CYRIA: variants seen among roughly 807,000 people sequenced by gnomAD.
The protein encoded by CYRIA is CYFIP related Rac1 interactor A, also known as CYFIP-related Rac1 interactor A.
A neutral mutation model predicts 43.9 loss-of-function variants in CYRIA; 15 were observed. That is an observed-to-expected ratio of 0.34 (90% CI 0.23 to 0.53). CYRIA has a LOEUF of 0.53. Among genes scored for constraint, CYRIA ranks in the 20% least tolerant of loss-of-function variants. The pLI is 0.94. For missense variants in CYRIA, 236 were observed against 394.2 expected (o/e 0.60, Z 3.40); for synonymous variants, 117 against 136.0 (o/e 0.86, Z 0.97).
chr2:16,627,080 C>G (rs1424499286), intron 1 of CYRIA, among the ~76,000 whole-genome samples: 1 of 152,208 alleles, frequency 6.6e-6, no homozygotes, highest in Non-Finnish European at 1.5e-5. Context: ...TCCAGTCTAG[C>G]GACCTTTCCC....
intron 3 of CYRIA, among the ~76,000 whole-genome samples, chr2:16,573,424 C>T (rs1029519721): frequency 3.9e-5 from 6 of 152,170 alleles, no homozygotes; most frequent in Non-Finnish European, 8.8e-5. Flanking sequence ...TTCTACATTT[C>T]CAAAGTAGTA....
rs145873639 is a variant in CYRIA at position 16,585,787 on chromosome 2, G to T, written c.70+2263C>A. Among the ~76,000 whole-genome samples, 145 of 152,204 alleles carry T rather than the reference G, an allele frequency of 9.5e-4. No homozygotes were observed. In the Middle Eastern group the frequency reaches 0.02, roughly 21 times the overall value. The stretch of plus-strand genomic sequence containing the variant: ...TACTCTGGTAGTAGTGGGTGGGGGC[G>T]CACAGAAGCACCTCTCAACGTCCCC... On this transcript the variant is annotated intron_variant, in intron 3 of 11. Coordinates refer to ENST00000381323, the MANE Select transcript of CYRIA (RefSeq NM_030797.4).
intron 4 of CYRIA, among the ~76,000 whole-genome samples, chr2:16,564,726 C>T (rs1449098744): frequency 6.6e-6 from 1 of 151,960 alleles, no homozygotes; most frequent in Non-Finnish European, 1.5e-5. Context: ...GTTGGTATTG[C>T]CACAAAACTA....
At chr2:16,652,319 A>G (rs1669997642) in intron 1 of CYRIA, among the ~76,000 whole-genome samples, 1 of 152,058 alleles carries the variant, frequency 6.6e-6, no homozygotes, top group African/African-American at 2.4e-5. Context: ...GCTATAAGCC[A>G]CTTTTTGTCC....
intron 2 of CYRIA, among the ~76,000 whole-genome samples, chr2:16,617,076 G>C (rs1572510602): frequency 6.6e-6 from 1 of 152,178 alleles, no homozygotes; most frequent in Non-Finnish European, 1.5e-5. Flanking sequence ...CAAGTTTCTA[G>C]GCTCCTTGTA....
At chr2:16,664,697 G>A (rs1670344661) in intron 1 of CYRIA, among the ~76,000 whole-genome samples, 1 of 152,216 alleles carries the variant, frequency 6.6e-6, no homozygotes, top group South Asian at 2.1e-4. Flanking sequence ...ACTCGACACT[G>A]TGCAGATGGC....
intron 2 of CYRIA, among the ~76,000 whole-genome samples, chr2:16,591,332 A>T (rs539555362): frequency 3.3e-5 from 5 of 152,314 alleles, no homozygotes; most frequent in Non-Finnish European, 7.4e-5. Flanking sequence ...GAGATGGCTT[A>T]TCGTCTGCTC....
intron 3 of CYRIA, among the ~76,000 whole-genome samples, chr2:16,587,538 G>A (rs573662238): frequency 6.6e-6 from 1 of 152,056 alleles, no homozygotes; most frequent in East Asian, 1.9e-4. Flanking sequence ...AAAAAGGAAG[G>A]AAAATGACAT....
At chr2:16,640,440 A>G (rs886302451) in intron 1 of CYRIA, among the ~76,000 whole-genome samples, 1 of 152,218 alleles carries the variant, frequency 6.6e-6, no homozygotes, top group Non-Finnish European at 1.5e-5. Context: ...TGGGAGAACC[A>G]CAAGGCATTG....
At chr2:16,632,645 G>C (rs1669363490) in intron 1 of CYRIA, among the ~76,000 whole-genome samples, 1 of 152,170 alleles carries the variant, frequency 6.6e-6, no homozygotes, top group South Asian at 2.1e-4. Context: ...AGCAGGCACG[G>C]GGGAAAATGA....
At chr2:16,571,591 C>A (rs1253533034) in intron 3 of CYRIA, among the ~76,000 whole-genome samples, 4 of 152,222 alleles carry the variant, frequency 2.6e-5, no homozygotes, top group Non-Finnish European at 5.9e-5. Context: ...GACAGAGAAT[C>A]AAACTAAACT....
chr2:16,593,763 A>C (rs1190639856), intron 2 of CYRIA, among the ~76,000 whole-genome samples: 1 of 121,800 alleles, frequency 8.2e-6, no homozygotes, highest in African/African-American at 3.2e-5. Flanking sequence ...TTTAGGGTAC[A>C]TGTGCACATT....
chr2:16,578,322 G>A (rs1300021772), intron 3 of CYRIA, among the ~76,000 whole-genome samples: 1 of 152,128 alleles, frequency 6.6e-6, no homozygotes, highest in Non-Finnish European at 1.5e-5. Flanking sequence ...TCACTGTTCT[G>A]CTGCCTGGCA....
intron 2 of CYRIA, among the ~76,000 whole-genome samples, chr2:16,621,336 TC>T (rs1191886423): frequency 6.6e-6 from 1 of 152,180 alleles, no homozygotes. Context: ...ACTGTTTACA[TC>T]AACCTACTTT....
chr2:16,611,514 G>A (rs1304161258), intron 2 of CYRIA, among the ~76,000 whole-genome samples: 4 of 152,228 alleles, frequency 2.6e-5, no homozygotes, highest in Non-Finnish European at 5.9e-5. Flanking sequence ...ATAATGGGGA[G>A]GAAGACTCTA....
chr2:16,609,718 T>C (rs1485373111), intron 2 of CYRIA, among the ~76,000 whole-genome samples: 2 of 152,200 alleles, frequency 1.3e-5, no homozygotes, highest in African/African-American at 2.4e-5. Flanking sequence ...AGGAATGCCA[T>C]ACATATATGT....
At chr2:16,625,259 T>C (rs1669124723) in intron 1 of CYRIA, among the ~76,000 whole-genome samples, 1 of 152,120 alleles carries the variant, frequency 6.6e-6, no homozygotes. Flanking sequence ...GGGCTGGTTC[T>C]GGCTCTCAGC....
Position 16,550,622 on chromosome 2 carries a change from G to T in CYRIA, c.*2314C>A, listed in dbSNP as rs1666272823. On this transcript the variant is annotated 3_prime_UTR_variant, in exon 12 of 12. Coordinates refer to ENST00000381323, the MANE Select transcript of CYRIA (RefSeq NM_030797.4). ...CATTTGATAGAAAGTCTAATTTAGA[G>T]TTATAAATGTGCTCATCTATTTACT... 1.3e-5 allele frequency: 2 copies of T among 152,134 alleles called. No individual in the cohort carries two copies. The highest frequency in any genetic ancestry group is 4.1e-4 in the South Asian group (2 of 4,834). 9.4% of individuals were successfully genotyped at this position (152,134 alleles called of 1,614,324 possible).
chr2:16,552,907 C>T lies in CYRIA; in HGVS notation c.*29G>A, dbSNP rs1360553315. 2.8e-6 allele frequency: 4 copies of T among 1,404,180 alleles called. No individual in the cohort carries two copies. The Admixed American group carries it at 6.7e-5, about 24-fold the overall frequency. 87.0% of individuals were successfully genotyped at this position (1,404,180 alleles called of 1,614,324 possible). ...AAACATATACATCTTCTGAGGTCAG[C>T]ACATAGATCCTCTTCTTTGAGCAGA... is the stretch of plus-strand genomic sequence containing the variant. On this transcript the variant is annotated 3_prime_UTR_variant, in exon 12 of 12. Coordinates refer to ENST00000381323, the MANE Select transcript of CYRIA (RefSeq NM_030797.4).
Sources: allele counts gnomAD v4.1 joint callset (sites outside exome capture counted in the v4.1 genomes callset), GRCh38; gene constraint gnomAD v4.1.1; transcripts MANE v1.5; gene names NCBI Gene and HGNC (gene_info 2026-07-23, HGNC 2026-07-21).